Variants in CAMK1D observed in about 807,000 individuals in gnomAD.
The protein encoded by CAMK1D is calcium/calmodulin dependent protein kinase ID.
In CAMK1D, 9 loss-of-function variants were observed where a neutral mutation model predicts 47.7. That is an observed-to-expected ratio of 0.19 (90% confidence interval 0.11 to 0.33). CAMK1D has a LOEUF of 0.33. Ranked by LOEUF, CAMK1D falls within the 10% of genes least tolerant of loss-of-function variation. The pLI, the probability that CAMK1D is intolerant of heterozygous loss-of-function variation, is 1.00. For missense variants in CAMK1D, 291 were observed against 488.7 expected, an observed-to-expected ratio of 0.60 and a Z score of 3.81; for synonymous variants, 184 against 184.9, an observed-to-expected ratio of 0.99 and a Z score of 0.04.
chr10:12,647,099 C>T (rs1268393793), intron 2 of CAMK1D, among the ~76,000 whole-genome samples: 1 of 148,412 alleles, frequency 6.7e-6, no homozygotes, highest in Non-Finnish European at 1.5e-5. Flanking sequence ...CCTCAGCCTC[C>T]CAAAGTGCTG....
rs189668408 is a variant in CAMK1D, at chr10:12,542,134, C to T, written c.93-11091C>T. Among the ~76,000 whole-genome samples, 212 of 152,294 alleles carry T rather than the reference C, an allele frequency of 1.4e-3. 1 individual carries two copies. The highest frequency in any genetic ancestry group is 4.5e-3 in the African/African-American group (189 of 41,550). On this transcript the variant is annotated intron_variant, in intron 1 of 10. Coordinates refer to ENST00000619168, the MANE Select transcript of CAMK1D (RefSeq NM_153498.4). ...TCTTAAGTGATCCTCCTGCCTTGGC[C>T]TCCCAAAGTGCTGGGATTACAGGCA...
intron 3 of CAMK1D, among the ~76,000 whole-genome samples, chr10:12,733,416 G>C (rs963526772): frequency 1.1e-4 from 16 of 152,172 alleles, no homozygotes; most frequent in African/African-American, 3.9e-4. Context: ...CAGGTTTCTG[G>C]CTTCGTTGAC....
intron 1 of CAMK1D, among the ~76,000 whole-genome samples, chr10:12,387,429 A>G (rs1398160120): frequency 1.7e-5 from 1 of 58,638 alleles, no homozygotes; most frequent in South Asian, 4.4e-4. Flanking sequence ...TATATATTTT[A>G]TATATTATAT....
At chr10:12,447,727 AT>A (rs1257986864) in intron 1 of CAMK1D, among the ~76,000 whole-genome samples, 3 of 152,122 alleles carry the variant, frequency 2.0e-5, no homozygotes, top group African/African-American at 7.2e-5. Context: ...TTTTAAGTTA[AT>A]TTTGTAGTTC....
At chr10:12,548,306 A>T (rs1280715955) in intron 1 of CAMK1D, among the ~76,000 whole-genome samples, 3 of 152,014 alleles carry the variant, frequency 2.0e-5, no homozygotes, top group Admixed American at 2.0e-4. Context: ...TCCTTTAGGG[A>T]GGTATTGAGT....
intron 8 of CAMK1D, among the ~76,000 whole-genome samples, chr10:12,822,169 A>G (rs2131109631): frequency 6.6e-6 from 1 of 152,302 alleles, no homozygotes; most frequent in Non-Finnish European, 1.5e-5. Flanking sequence ...AGTGACACTG[A>G]GCATCAGCGC....
intron 2 of CAMK1D, among the ~76,000 whole-genome samples, chr10:12,617,697 C>T (rs987713426): frequency 2.6e-5 from 4 of 152,108 alleles, no homozygotes; most frequent in African/African-American, 7.2e-5. Context: ...TGCTGAGATA[C>T]CTGCCGGGTT....
intron 1 of CAMK1D, among the ~76,000 whole-genome samples, chr10:12,420,284 G>A (rs1386309289): frequency 6.6e-6 from 1 of 152,166 alleles, no homozygotes; most frequent in African/African-American, 2.4e-5. Flanking sequence ...TAAAAAATAC[G>A]GTATTTTAGT....
intron 2 of CAMK1D, among the ~76,000 whole-genome samples, chr10:12,617,106 TC>T (rs1460642413): frequency 2.0e-5 from 3 of 152,278 alleles, no homozygotes; most frequent in South Asian, 4.1e-4. Flanking sequence ...AGATTTTTTT[TC>T]CTCAAGGATG....
At position 12,577,303 on chromosome 10, in the gene CAMK1D, G is replaced by A. The variant is rs1398526506; in HGVS notation, c.224+23947G>A. ...TCTAGGCTTGCAGGTCTCTCACTAG[G>A]AACTATGCCTCCAGCCCTTTGGTGG... is the stretch of plus-strand genomic sequence containing the variant. On this transcript the variant is annotated intron_variant, in intron 2 of 10. Transcript: ENST00000619168. Among the ~76,000 whole-genome samples the A allele has an allele frequency of 2.6e-5, 4 of 152,260 alleles. No individual in the cohort carries two copies. In the East Asian group the frequency reaches 7.7e-4, roughly 29 times the overall value.
chr10:12,756,786 G>C (rs1836245824), intron 3 of CAMK1D, among the ~76,000 whole-genome samples: 1 of 152,134 alleles, frequency 6.6e-6, no homozygotes, highest in Non-Finnish European at 1.5e-5. Context: ...AAATTAGCCG[G>C]GCGTGGTGGT....
chr10:12,470,487 C>T (rs1833711609), intron 1 of CAMK1D, among the ~76,000 whole-genome samples: 1 of 151,908 alleles, frequency 6.6e-6, no homozygotes, highest in Non-Finnish European at 1.5e-5. Flanking sequence ...CCCTAAAATA[C>T]TGTGTATGCT....
chr10:12,555,304 G>T (rs538235587), intron 2 of CAMK1D, among the ~76,000 whole-genome samples: 39 of 152,386 alleles, frequency 2.6e-4, no homozygotes, highest in African/African-American at 8.7e-4. Context: ...GGCCAGGACA[G>T]TCTGTCCTCT....
intron 4 of CAMK1D, among the ~76,000 whole-genome samples, chr10:12,762,432 TAAAG>T (rs1836552844): frequency 6.6e-6 from 1 of 152,242 alleles, no homozygotes. Context: ...TTTTCTTTCA[TAAAG>T]ACTCACTACC....
At chr10:12,630,604 A>G (rs1839352130) in intron 2 of CAMK1D, among the ~76,000 whole-genome samples, 1 of 151,718 alleles carries the variant, frequency 6.6e-6, no homozygotes, top group Non-Finnish European at 1.5e-5. Flanking sequence ...TATTTTCTAG[A>G]AATGAGGTCT....
intron 6 of CAMK1D, among the ~76,000 whole-genome samples, chr10:12,792,914 A>G (rs1838040073): frequency 6.6e-6 from 1 of 151,806 alleles, no homozygotes; most frequent in Non-Finnish European, 1.5e-5. Flanking sequence ...TGAGAATCTA[A>G]TGAAGGTCAT....
chr10:12,754,282 C>T (rs554942770), intron 3 of CAMK1D, among the ~76,000 whole-genome samples: 1 of 152,226 alleles, frequency 6.6e-6, no homozygotes, highest in South Asian at 2.1e-4. Context: ...TCCAAAGCAC[C>T]CTCACCACTG....
At chr10:12,410,298 ACT>A (rs1298933973) in intron 1 of CAMK1D, among the ~76,000 whole-genome samples, 1 of 151,696 alleles carries the variant, frequency 6.6e-6, no homozygotes, top group East Asian at 1.9e-4. Context: ...TGTGTGTGTA[ACT>A]CTGTATTTTC....
At chr10:12,791,265 T>A in intron 6 of CAMK1D, 32 bp downstream of exon 6, 2 of 1,592,888 alleles carry the variant, frequency 1.3e-6, no homozygotes, top group Non-Finnish European at 1.7e-6. Context: ...GGGTTCTTCC[T>A]CTACCGGCCT....
Sources: gnomAD v4.1 joint callset for allele counts (sites outside exome capture counted in the v4.1 genomes callset) on GRCh38, gnomAD v4.1.1 for gene constraint, MANE v1.5 for transcripts, NCBI Gene and HGNC (gene_info 2026-07-23, HGNC 2026-07-21) for gene names.